The following MAP2K4 variants were observed in gnomAD, a reference collection of about 807,000 sequenced individuals.
MAP2K4 encodes the protein dual specificity mitogen-activated protein kinase kinase 4.
Under a neutral mutation model 48.5 loss-of-function variants are expected in MAP2K4, and 4 were observed. The observed-to-expected ratio is 0.08, with a 90% CI of 0.04 to 0.19. The LOEUF is 0.19. Ranked by LOEUF, MAP2K4 falls within the 10% of genes least tolerant of loss-of-function variation. The pLI is 1.00. For synonymous variants in MAP2K4, 166 were observed against 173.1 expected, an observed-to-expected ratio of 0.96 and a Z score of 0.32; for missense variants, 258 against 493.3, an observed-to-expected ratio of 0.52 and a Z score of 4.52.
At chr17:12,068,362 G>A (rs982008138) in intron 2 of MAP2K4, among the ~76,000 whole-genome samples, 2 of 152,128 alleles carry the variant, frequency 1.3e-5, no homozygotes, top group African/African-American at 4.8e-5. Flanking sequence ...CTGCCGTGTG[G>A]ACTATGTACT....
chr17:12,070,748 G>T (rs1379819802), intron 2 of MAP2K4, among the ~76,000 whole-genome samples: 8 of 152,174 alleles, frequency 5.3e-5, no homozygotes, highest in Non-Finnish European at 1.5e-5. Flanking sequence ...CACCCATCTG[G>T]CTGCATAGTT....
intron 9 of MAP2K4, among the ~76,000 whole-genome samples, chr17:12,136,423 G>A (rs1973211178): frequency 6.6e-6 from 1 of 152,208 alleles, no homozygotes; most frequent in South Asian, 2.1e-4. Flanking sequence ...AGATATCATT[G>A]AAGAGAGATT....
chr17:12,091,838 A>G (rs1380560356), intron 3 of MAP2K4, among the ~76,000 whole-genome samples: 1 of 152,214 alleles, frequency 6.6e-6, no homozygotes, highest in Non-Finnish European at 1.5e-5. Context: ...TATGTAGAGT[A>G]GTAATTTTTG....
chr17:12,104,882 C>G (rs1972056841), intron 4 of MAP2K4, among the ~76,000 whole-genome samples: 1 of 151,964 alleles, frequency 6.6e-6, no homozygotes, highest in South Asian at 2.1e-4. Flanking sequence ...TTTGCAAAAT[C>G]CATTTGGGAG....
Position 12,020,963 on chromosome 17 carries a change from C to T in MAP2K4, c.77C>T (p.Ser26Phe). The change falls in exon 1 of 11, where the codon TCC becomes TTC. Residue 26 changes from serine (S) to phenylalanine (F), a missense_variant. Transcript: ENST00000353533. ...AGCGGCACCCCCGGCCCCGTAGGGT[C>T]CCCGGCGCCAGGCCACCCGGCCGTC... ...SGSGTPGPVG[S>F]PAPGHPAVSS... 8.2e-7 allele frequency: 1 copy of T among 1,212,732 alleles called. No individual in the cohort carries two copies. Among genetic ancestry groups the T allele is most frequent in the East Asian group, 3.3e-5 (1 of 30,002 alleles). 75.1% of individuals were successfully genotyped at this position (1,212,732 alleles called of 1,614,324 possible).
chr17:12,130,527 G>T (rs111706121), intron 9 of MAP2K4, among the ~76,000 whole-genome samples: 4 of 152,096 alleles, frequency 2.6e-5, no homozygotes, highest in South Asian at 2.1e-4. Flanking sequence ...TTCCATCAGG[G>T]TTTCTTTTTA....
intron 7 of MAP2K4, among the ~76,000 whole-genome samples, chr17:12,114,764 G>C (rs1972430832): frequency 6.6e-6 from 1 of 152,200 alleles, no homozygotes; most frequent in South Asian, 2.1e-4. Flanking sequence ...TTGCAGCCCA[G>C]ATAAAGTAGA....
Position 12,128,600 on chromosome 17 carries a change from TA to T in MAP2K4, c.892-535del, listed in dbSNP as rs558961016. Among the ~76,000 whole-genome samples, 213 of 152,286 alleles carry T rather than the reference TA, an allele frequency of 1.4e-3. 1 individual carries two copies. Among genetic ancestry groups the T allele is most frequent in the African/African-American group, 4.8e-3 (201 of 41,560 alleles). ...CCTGACTTGATTTCTTCACTACTTG[TA>T]AAATCTGGTTGTGGTTGAAATTGTA... On this transcript the variant is annotated intron_variant, in intron 8 of 10. Coordinates refer to ENST00000353533, the MANE Select transcript of MAP2K4 (RefSeq NM_003010.4).
intron 2 of MAP2K4, among the ~76,000 whole-genome samples, chr17:12,072,505 C>A (rs1567645140): frequency 2.0e-5 from 3 of 152,154 alleles, no homozygotes; most frequent in Non-Finnish European, 2.9e-5. Flanking sequence ...TGCCTAAATA[C>A]CTTCATAGAA....
chr17:12,023,468 TC>T (rs1257906212), intron 1 of MAP2K4, among the ~76,000 whole-genome samples: 42 of 152,200 alleles, frequency 2.8e-4, no homozygotes, highest in Non-Finnish European at 2.9e-5. Flanking sequence ...TTGATGTACT[TC>T]CATTCCTTCT....
chr17:12,107,973 T>C, intron 5 of MAP2K4, 64 bp downstream of exon 5: 1 of 1,348,092 alleles, frequency 7.4e-7, no homozygotes, highest in Non-Finnish European at 9.9e-7. Context: ...TGCTGGAGTT[T>C]TGAATGCACA....
At chr17:12,107,494 T>A (rs1394463944) in intron 4 of MAP2K4, among the ~76,000 whole-genome samples, 2 of 151,968 alleles carry the variant, frequency 1.3e-5, no homozygotes, top group African/African-American at 4.8e-5. Flanking sequence ...TCCTATTTTT[T>A]TTTCTATTTT....
chr17:12,086,339 C>T (rs1301185885), intron 3 of MAP2K4, among the ~76,000 whole-genome samples: 2 of 152,146 alleles, frequency 1.3e-5, no homozygotes, highest in African/African-American at 4.8e-5. Flanking sequence ...GTAAGTAGAG[C>T]ATTTCCAGGA....
Position 12,140,865 on chromosome 17 carries a change from T to G in MAP2K4, c.1087-282T>G, listed in dbSNP as rs561182049. 9.4e-4 allele frequency among the ~76,000 whole-genome samples: 143 copies of G among 152,290 alleles called. 1 individual carries two copies. Among genetic ancestry groups the G allele is most frequent in the African/African-American group, 3.3e-3 (137 of 41,556 alleles). The stretch of plus-strand genomic sequence containing the variant: ...CTGAGTGACAACTTGGCTGTCTTCC[T>G]CAACAAACACTCCCTGGTATACAGA... On this transcript the variant is annotated intron_variant, in intron 10 of 10. Coordinates refer to ENST00000353533, the MANE Select transcript of MAP2K4 (RefSeq NM_003010.4).
At chr17:12,127,651 T>C (rs1314289262) in intron 8 of MAP2K4, among the ~76,000 whole-genome samples, 3 of 152,256 alleles carry the variant, frequency 2.0e-5, no homozygotes, top group Non-Finnish European at 2.9e-5. Context: ...TCCTTTATTT[T>C]ATGACATACA....
At chr17:12,055,982 T>C (rs1392280240) in intron 2 of MAP2K4, among the ~76,000 whole-genome samples, 2 of 152,114 alleles carry the variant, frequency 1.3e-5, no homozygotes, top group African/African-American at 4.8e-5. Flanking sequence ...AGAGTCCCAC[T>C]CTTTTTACCT....
rs28921071 is a variant in MAP2K4, at chr17:12,126,771, T to C, written c.891+1400T>C. Among the ~76,000 whole-genome samples, 60 of 152,362 alleles carry C rather than the reference T, an allele frequency of 3.9e-4. 3 individuals carry two copies. The East Asian group carries it at 0.01, about 26-fold the overall frequency. On this transcript the variant is annotated intron_variant, in intron 8 of 10. Transcript: ENST00000353533. ...CATTTCCTTTTTACCAAATTTTGTTTTGAAGTCTTCGGTTTATTTTCTTGT... is the reference window on the plus strand; with the variant it reads ...CATTTCCTTTTTACCAAATTTTGTTCTGAAGTCTTCGGTTTATTTTCTTGT...
At chr17:12,059,240 G>A (rs1197518663) in intron 2 of MAP2K4, among the ~76,000 whole-genome samples, 1 of 152,176 alleles carries the variant, frequency 6.6e-6, no homozygotes, top group Non-Finnish European at 1.5e-5. Flanking sequence ...AAGGAAAAAT[G>A]TGTGGCTACC....
intron 1 of MAP2K4, among the ~76,000 whole-genome samples, chr17:12,031,838 A>G (rs1383397841): frequency 6.6e-6 from 1 of 152,188 alleles, no homozygotes. Flanking sequence ...GAACTGCTAA[A>G]ACTTTTGCAT....
Sources: allele counts gnomAD v4.1 joint callset (sites outside exome capture counted in the v4.1 genomes callset), GRCh38; gene constraint gnomAD v4.1.1; transcripts MANE v1.5; gene names NCBI Gene and HGNC (gene_info 2026-07-23, HGNC 2026-07-21).